The following FAM76A variants were observed in gnomAD, a reference collection of about 807,000 sequenced individuals.
The protein encoded by FAM76A is protein FAM76A.
In FAM76A, 32 loss-of-function variants were observed where a neutral mutation model predicts 46.2. The observed-to-expected ratio is 0.69, with a 90% CI of 0.52 to 0.93. FAM76A has a LOEUF of 0.93. Among genes scored for constraint, FAM76A ranks in the 40% least tolerant of loss-of-function variants. FAM76A has a pLI of 0.00. For missense variants in FAM76A, 274 were observed against 361.5 expected, an observed-to-expected ratio of 0.76 and a Z score of 1.96; for synonymous variants, 137 against 127.0, an observed-to-expected ratio of 1.08 and a Z score of -0.53.
chr1:27,746,029 C>T (rs569946051), intron 5 of FAM76A, among the ~76,000 whole-genome samples: 1 of 152,094 alleles, frequency 6.6e-6, no homozygotes, highest in Non-Finnish European at 1.5e-5. Context: ...AAAAAATTAA[C>T]CCTGACTACT....
chr1:27,727,478 C>A lies in FAM76A; in HGVS notation c.88C>A (p.Arg30=). 1 of 1,613,428 alleles carries A rather than the reference C, an allele frequency of 6.2e-7. No homozygotes were observed. The highest frequency in any genetic ancestry group is 8.5e-7 in the Non-Finnish European group (1 of 1,179,488). Residue 30 remains arginine (R), a synonymous_variant, in exon 2 of 9, where the codon CGG becomes AGG. Coordinates refer to ENST00000373954, the MANE Select transcript of FAM76A (RefSeq NM_152660.3). ...SQGQQLCKEC[R]IAHPVVKCTY... is the part of the protein sequence containing the mutation. ...TATCCTCATTTCATTTCAGGAATGT[C>A]GGATTGCACACCCTGTTGTGAAGTG...
chr1:27,738,684 C>T (rs1053808575), intron 4 of FAM76A, among the ~76,000 whole-genome samples: 5 of 152,096 alleles, frequency 3.3e-5, no homozygotes, highest in Middle Eastern at 3.2e-3. Flanking sequence ...CTTACTCTCA[C>T]AGAGCTTACA....
At chr1:27,738,044 C>A (rs1348906982) in intron 4 of FAM76A, among the ~76,000 whole-genome samples, 2 of 151,518 alleles carry the variant, frequency 1.3e-5, no homozygotes, top group Admixed American at 6.6e-5. Context: ...GAGAATGAGA[C>A]CCTATCTATA....
rs1288066796 is a variant in FAM76A at position 27,755,319 on chromosome 1, A to G, written c.724A>G (p.Lys242Glu). The change falls in exon 7 of 9, where the codon AAA (lysine) becomes GAA (glutamate). Residue 242 changes from lysine to glutamate, a missense_variant. By Grantham distance (56) the Lys-to-Glu change is moderately conservative. Transcript: ENST00000373954. ...TCAAAAGGATCAAATGATTTTAGAG[A>G]AAGAGAAGAAGGTATGGTTTAGTTA... ...LHQKDQMILE[K>E]EKKITELKAD... 1 of 1,614,008 alleles carries G rather than the reference A, an allele frequency of 6.2e-7. No individual in the cohort carries two copies. The highest frequency in any genetic ancestry group is 8.5e-7 in the Non-Finnish European group (1 of 1,180,016).
intron 2 of FAM76A, among the ~76,000 whole-genome samples, chr1:27,732,252 A>G (rs1287230722): frequency 2.0e-5 from 3 of 152,196 alleles, no homozygotes; most frequent in Non-Finnish European, 4.4e-5. Context: ...CAACATGGCG[A>G]AACCTTGTCT....
intron 4 of FAM76A, chr1:27,739,366 G>T: frequency 1.9e-6 from 1 of 523,714 alleles, no homozygotes. Context: ...CTTAAATATG[G>T]AACACCTCAA....
At chr1:27,740,043 G>C in intron 4 of FAM76A, 1 of 392,530 alleles carries the variant, frequency 2.5e-6, no homozygotes, top group Non-Finnish European at 5.0e-6. Context: ...TAGACTCTGG[G>C]TCCACCTGGA....
intron 2 of FAM76A, among the ~76,000 whole-genome samples, chr1:27,731,198 ATTT>A (rs34236376): frequency 0.044 from 4,863 of 109,910 alleles, 319 homozygotes; most frequent in African/African-American, 0.14. Context: ...AGAAATCAGA[ATTT>A]TTTTTTTTTT....
intron 4 of FAM76A, 87 bp from the exon 5 acceptor site, chr1:27,744,567 G>A: frequency 6.9e-7 from 1 of 1,442,498 alleles, no homozygotes; most frequent in East Asian, 2.3e-5. Flanking sequence ...AACTGGGACT[G>A]AACCCAAAGA....
intron 5 of FAM76A, among the ~76,000 whole-genome samples, chr1:27,748,414 G>A (rs544737557): frequency 1.0e-4 from 15 of 149,616 alleles, no homozygotes; most frequent in East Asian, 9.9e-4. Context: ...GTGAGCCACC[G>A]CGCCCAGCCA....
intron 4 of FAM76A, among the ~76,000 whole-genome samples, chr1:27,741,257 A>G (rs1020731449): frequency 8.0e-5 from 11 of 136,690 alleles, no homozygotes; most frequent in African/African-American, 3.2e-4. Context: ...GAGTACAAGT[A>G]GTACAATCTA....
intron 2 of FAM76A, chr1:27,730,189 T>G (rs1305106486): frequency 1.8e-5 from 4 of 221,196 alleles, no homozygotes; most frequent in Non-Finnish European, 3.7e-5. Flanking sequence ...TTCTTTTTTT[T>G]TTGTTGTTGT....
chr1:27,741,582 G>A (rs1257059883), intron 4 of FAM76A, among the ~76,000 whole-genome samples: 2 of 151,894 alleles, frequency 1.3e-5, no homozygotes, highest in East Asian at 3.9e-4. Context: ...TTACAGTAGA[G>A]AGAAATAGAA....
At position 27,760,521 on chromosome 1, in the gene FAM76A, G is replaced by T. The variant is rs1302819814; in HGVS notation, c.864G>T (p.Gln288His). ...CCAAAAACCGAGAGCTCCTGAAGCAGGCAGCTGCTTTGTCCAAGAGCAAGA... is the reference window on the plus strand; with the variant it reads ...CCAAAAACCGAGAGCTCCTGAAGCATGCAGCTGCTTTGTCCAAGAGCAAGA... The part of the protein sequence containing the change: ...LQAKNRELLK[Q>H]AAALSKSKKS... Residue 288 changes from glutamine to histidine, a missense_variant, in exon 9 of 9, where the codon CAG becomes CAT. Physicochemically the swap from Gln to His is conservative, Grantham distance 24 (BLOSUM62 0). Coordinates refer to ENST00000373954, the MANE Select transcript of FAM76A (RefSeq NM_152660.3). 2 of 1,612,118 alleles carry T rather than the reference G, an allele frequency of 1.2e-6. No individual in the cohort carries two copies. Among genetic ancestry groups the T allele is most frequent in the Non-Finnish European group, 1.7e-6 (2 of 1,178,846 alleles).
intron 1 of FAM76A, 21 bp downstream of exon 1, chr1:27,726,182 G>A (rs1462345109): frequency 7.9e-7 from 1 of 1,270,348 alleles, no homozygotes; most frequent in Non-Finnish European, 9.9e-7. Flanking sequence ...TGGGGCGGCG[G>A]CCGGGAACTG....
intron 8 of FAM76A, chr1:27,760,011 A>T (rs1244255318): frequency 2.2e-6 from 1 of 458,172 alleles, no homozygotes; most frequent in Non-Finnish European, 4.4e-6. Context: ...GGCTTCAAGC[A>T]ATCCTCCCAC....
intron 4 of FAM76A, 114 bp from the exon 5 acceptor site, chr1:27,744,540 C>T: frequency 2.7e-6 from 3 of 1,102,990 alleles, no homozygotes; most frequent in South Asian, 2.9e-5. Flanking sequence ...CCCAAAGTCA[C>T]AGCACATAAG....
Position 27,760,591 on chromosome 1 carries a change from A to G in FAM76A, c.*10A>G. 1 of 1,600,900 alleles carries G rather than the reference A, an allele frequency of 6.2e-7. No homozygotes were observed. Among genetic ancestry groups the G allele is most frequent in the Non-Finnish European group, 8.5e-7 (1 of 1,171,738 alleles). On this transcript the variant is annotated 3_prime_UTR_variant, in exon 9 of 9. Coordinates refer to ENST00000373954, the MANE Select transcript of FAM76A (RefSeq NM_152660.3). ...TATAACCTCTCCATGACAGACCTCAAGGAGGCTCCCTAGCAACAGCAAATG... is the reference window on the plus strand; with the variant it reads ...TATAACCTCTCCATGACAGACCTCAGGGAGGCTCCCTAGCAACAGCAAATG...
chr1:27,734,306 G>A (rs2088008796), intron 4 of FAM76A, 123 bp downstream of exon 4: 1 of 934,022 alleles, frequency 1.1e-6, no homozygotes, highest in South Asian at 1.9e-5. Context: ...CCAGCACTTT[G>A]GGAGGCCGAG....
Sources: gnomAD v4.1 joint callset for allele counts (sites outside exome capture counted in the v4.1 genomes callset) on GRCh38, gnomAD v4.1.1 for gene constraint, MANE v1.5 for transcripts, NCBI Gene and HGNC (gene_info 2026-07-23, HGNC 2026-07-21) for gene names.